PCDHGA1: variants seen among roughly 807,000 people sequenced by gnomAD.
PCDHGA1 encodes the protein protocadherin gamma subfamily A, 1, also known as protocadherin gamma-A1.
A neutral mutation model predicts 58.0 loss-of-function variants in PCDHGA1; 32 were observed. The ratio of observed to expected loss-of-function variants is 0.55; its 90% confidence interval spans 0.42 to 0.74. The LOEUF (loss-of-function observed/expected upper bound fraction) is 0.74, where lower values mean the gene tolerates loss of function less well. Among genes scored for constraint, PCDHGA1 ranks in the 30% least tolerant of loss-of-function variants. The probability of loss-of-function intolerance (pLI) is 0.00; values close to 1 mark genes in which losing one functional copy is unlikely to be tolerated. For missense variants in PCDHGA1, 1,205 were observed against 1,182.3 expected (o/e 1.02, Z -0.28); for synonymous variants, 498 against 501.1 (o/e 0.99, Z 0.08).
In PCDHGA1 at chr5:141,333,010, G is replaced by A; in HGVS notation, c.2326G>A (p.Ala776Thr). The A allele has an allele frequency of 6.2e-7, 1 of 1,614,190 alleles. No homozygotes were observed. The highest frequency in any genetic ancestry group is 1.1e-5 in the South Asian group (1 of 91,084). ...CCTGATTTTCCCCCAGCCCAACTAT[G>A]CGGACACACTCATCAGCCAGGAGAG... ...SHLIFPQPNY[A>T]DTLISQESCE... is the part of the protein sequence containing the mutation. Residue 776 changes from alanine to threonine, a missense_variant, in exon 1 of 4, where the codon GCG becomes ACG. Transcript: ENST00000517417.
chr5:141,343,891 C>T, intron 1 of PCDHGA1: 1 of 710,658 alleles, frequency 1.4e-6, no homozygotes, highest in Non-Finnish European at 2.2e-6. Flanking sequence ...TCCGGGGCGG[C>T]TGCCAACCTC....
At chr5:141,397,223 T>C (rs144227558) in intron 1 of PCDHGA1, among the ~76,000 whole-genome samples, 1 of 152,304 alleles carries the variant, frequency 6.6e-6, no homozygotes, top group East Asian at 1.9e-4. Context: ...TATTTTGAGA[T>C]ATGAAGAAGA....
At position 141,332,822 on chromosome 5, in the gene PCDHGA1, C is replaced by A. The variant is rs371049984; in HGVS notation, c.2138C>A (p.Ala713Glu). The change falls in exon 1 of 4, where the codon GCG becomes GAG. Residue 713 changes from alanine (A) to glutamate (E), a missense_variant. By Grantham distance (107) the Ala-to-Glu change is moderately radical. Transcript: ENST00000517417. This position sits in a 1 kb window ranked among gnomAD's most constrained non-coding sequence, Gnocchi z 4.6. ...CTGGCCTTCGTCATCGTGCTGCTGG[C>A]GCACAGGCTGCGGCGCTGGCACAAG... is the stretch of plus-strand genomic sequence containing the variant. ...VFLAFVIVLL[A>E]HRLRRWHKSR... 6.2e-7 allele frequency: 1 copy of A among 1,614,220 alleles called. No homozygotes were observed. The highest frequency in any genetic ancestry group is 8.5e-7 in the Non-Finnish European group (1 of 1,180,042).
chr5:141,339,188 C>T, intron 1 of PCDHGA1: 1 of 1,614,130 alleles, frequency 6.2e-7, no homozygotes, highest in Non-Finnish European at 8.5e-7. Flanking sequence ...AGGTAGGTCC[C>T]AGCTCTTTGC....
intron 1 of PCDHGA1, chr5:141,492,027 A>T (rs1157170828): frequency 8.8e-6 from 5 of 565,466 alleles, no homozygotes; most frequent in African/African-American, 7.7e-5. Flanking sequence ...GGGTCCCGGG[A>T]GGAGGCAGTC....
intron 1 of PCDHGA1, among the ~76,000 whole-genome samples, chr5:141,459,221 G>A (rs1028895845): frequency 9.2e-5 from 14 of 152,154 alleles, no homozygotes; most frequent in African/African-American, 3.1e-4. Flanking sequence ...TCCAGCTCCA[G>A]GCAACAACTG....
Position 141,476,934 on chromosome 5 carries a change from A to G in PCDHGA1, c.2422-17873A>G, listed in dbSNP as rs199685528. On this transcript the variant is annotated intron_variant, in intron 1 of 3. Transcript: ENST00000517417. The surrounding 1 kb of genome is among the most constrained non-coding windows in gnomAD (Gnocchi z 7.6). ...CAAGTCCTTGCAACGGATCTGGATG[A>G]AGGCCCCAACGGTGAAATTATTTAC... 255 of 1,614,164 alleles carry G rather than the reference A, an allele frequency of 1.6e-4. 3 individuals carry two copies. In the South Asian group the frequency reaches 2.6e-3, roughly 16 times the overall value.
intron 1 of PCDHGA1, chr5:141,399,144 T>G: frequency 6.2e-7 from 1 of 1,613,728 alleles, no homozygotes. Flanking sequence ...AAAATGACAA[T>G]AGCCCAGAAG....
At chr5:141,418,539 A>G (rs984639830) in intron 1 of PCDHGA1, 14 of 1,614,034 alleles carry the variant, frequency 8.7e-6, no homozygotes, top group Non-Finnish European at 1.0e-5. Context: ...GGTACTGCTC[A>G]GATAAGAATC....
At chr5:141,377,770 T>A (rs1774342115) in intron 1 of PCDHGA1, 1 of 152,210 alleles carries the variant, frequency 6.6e-6, no homozygotes, top group South Asian at 2.1e-4. Flanking sequence ...ATCTTTGGTG[T>A]TAAAAGACCT....
At chr5:141,371,602 G>A in intron 1 of PCDHGA1, 1 of 1,613,990 alleles carries the variant, frequency 6.2e-7, no homozygotes, top group East Asian at 2.2e-5. Context: ...AACACATACA[G>A]GTTGGTGACA....
chr5:141,491,233 G>T lies in PCDHGA1; in HGVS notation c.2422-3574G>T. 1 of 1,614,224 alleles carries T rather than the reference G, an allele frequency of 6.2e-7. No homozygotes were observed. The highest frequency in any genetic ancestry group is 2.2e-5 in the East Asian group (1 of 44,890). On this transcript the variant is annotated intron_variant, in intron 1 of 3. Transcript: ENST00000517417. The surrounding 1 kb of genome is among the most constrained non-coding windows in gnomAD (Gnocchi z 6.9). ...CTCCTCCACAGCCACAGTGCTGCTG[G>T]TTCTGGAGGATGAGGACCCTGAGGA...
At chr5:141,474,087 A>C (rs1483673747) in intron 1 of PCDHGA1, among the ~76,000 whole-genome samples, 4 of 152,198 alleles carry the variant, frequency 2.6e-5, no homozygotes, top group South Asian at 2.1e-4. Context: ...AAAACCAAAA[A>C]ACAAACAACA....
chr5:141,511,374 CA>C lies in PCDHGA1; in HGVS notation c.*202del. ...CCCCAGGGGGTTGAATATGCAAAAG[CA>C]GTTCCGCTGGGAACCCCCATCCAAT... On this transcript the variant is annotated 3_prime_UTR_variant, in exon 4 of 4. Coordinates refer to ENST00000517417, the MANE Select transcript of PCDHGA1 (RefSeq NM_018912.3). The C allele has an allele frequency of 8.0e-7, 1 of 1,242,392 alleles. No individual in the cohort carries two copies. 77.0% of individuals were successfully genotyped at this position (1,242,392 alleles called of 1,614,324 possible).
intron 2 of PCDHGA1, among the ~76,000 whole-genome samples, chr5:141,503,393 G>A (rs954734829): frequency 2.0e-5 from 3 of 151,824 alleles, no homozygotes; most frequent in African/African-American, 4.8e-5. Flanking sequence ...TCAGGAGTTC[G>A]AAACCAACCT....
rs1780458671 is a variant in PCDHGA1 at position 141,384,757 on chromosome 5, G to C, written c.2421+51652G>C. Reference sequence around the variant, plus strand: ...CAGCGAGCCAGGACTCTTTGCGGTTGGGCTGTACACGGGCGAGGTGCGCAC... The same window carrying C: ...CAGCGAGCCAGGACTCTTTGCGGTTCGGCTGTACACGGGCGAGGTGCGCAC... On this transcript the variant is annotated intron_variant, in intron 1 of 3. Transcript: ENST00000517417. 7 of 1,613,872 alleles carry C rather than the reference G, an allele frequency of 4.3e-6. No individual in the cohort carries two copies. The East Asian group carries it at 1.6e-4, about 36-fold the overall frequency.
intron 1 of PCDHGA1, chr5:141,393,012 G>T: frequency 1.9e-6 from 3 of 1,613,842 alleles, no homozygotes; most frequent in Non-Finnish European, 2.5e-6. Context: ...AGTCCGTATC[G>T]TCTCCAGAGG....
chr5:141,332,884 A>G lies in PCDHGA1; in HGVS notation c.2200A>G (p.Ser734Gly), dbSNP rs141275772. Residue 734 changes from serine to glycine, a missense_variant, in exon 1 of 4, where the codon AGC becomes GGC. Physicochemically the swap from Ser to Gly is moderately conservative, Grantham distance 56. Coordinates refer to ENST00000517417, the MANE Select transcript of PCDHGA1 (RefSeq NM_018912.3). This position sits in a 1 kb window ranked among gnomAD's most constrained non-coding sequence, Gnocchi z 4.6. ...ACAGGCTTCGGGAGGCGGCTTAGCG[A>G]GCATGCCCGGTTCGCACTTTGTGGG... ...LLQASGGGLA[S>G]MPGSHFVGVD... The G allele has an allele frequency of 2.9e-4, 471 of 1,614,194 alleles. 1 individual carries two copies. Among genetic ancestry groups the G allele is most frequent in the Non-Finnish European group, 3.8e-4 (450 of 1,180,028 alleles).
chr5:141,474,403 C>G (rs553745731), intron 1 of PCDHGA1, among the ~76,000 whole-genome samples: 6 of 152,166 alleles, frequency 3.9e-5, no homozygotes, highest in Non-Finnish European at 5.9e-5. Context: ...ACAAGCTCCC[C>G]GGTGATGCCT....
Sources: gnomAD v4.1 joint callset for allele counts (sites outside exome capture counted in the v4.1 genomes callset) on GRCh38, gnomAD v4.1.1 for gene constraint, Gnocchi (gnomAD v3.1) non-coding constraint, MANE v1.5 for transcripts, NCBI Gene and HGNC (gene_info 2026-07-23, HGNC 2026-07-21) for gene names.